ADAM23: variants seen among roughly 807,000 people sequenced by gnomAD.
The protein encoded by ADAM23 is disintegrin and metalloproteinase domain-containing protein 23.
In ADAM23, 33 loss-of-function variants were observed where a neutral mutation model predicts 120.1. The observed-to-expected ratio is 0.27, with a 90% CI of 0.21 to 0.37. ADAM23 has a LOEUF of 0.37. ADAM23 is among the 10% of genes least tolerant of loss of function. The pLI, the probability that ADAM23 is intolerant of heterozygous loss-of-function variation, is 1.00. For synonymous variants in ADAM23, 367 were observed against 375.2 expected, an observed-to-expected ratio of 0.98 and a Z score of 0.25; for missense variants, 862 against 1,058.2, an observed-to-expected ratio of 0.81 and a Z score of 2.57.
rs1699045655 is a variant in ADAM23 at position 206,620,963 on chromosome 2, T to C, written c.*3336T>C. ...TTATAGTCATTGTTGCTTCCATTGT[T>C]AGTTTCCATTTTCAAGTGCTTTGTA... is the stretch of plus-strand genomic sequence containing the variant. On this transcript the variant is annotated 3_prime_UTR_variant, in exon 26 of 26. Coordinates refer to ENST00000264377, the MANE Select transcript of ADAM23 (RefSeq NM_003812.4). The C allele has an allele frequency of 6.6e-6, 1 of 152,220 alleles. No homozygotes were observed. Among genetic ancestry groups the C allele is most frequent in the South Asian group, 2.1e-4 (1 of 4,832 alleles). 9.4% of individuals were successfully genotyped at this position (152,220 alleles called of 1,614,324 possible).
chr2:206,609,228 C>T (rs1274802323), intron 24 of ADAM23, among the ~76,000 whole-genome samples: 3 of 152,188 alleles, frequency 2.0e-5, no homozygotes, highest in Admixed American at 1.3e-4. Context: ...AAGCTATTCT[C>T]AGTTGAATCT....
Position 206,573,169 on chromosome 2 carries a change from G to C in ADAM23, c.1711G>C (p.Glu571Gln). The change falls in exon 18 of 26, where the codon GAA (glutamate) becomes CAA (glutamine). Residue 571 changes from glutamate (E) to glutamine (Q), a missense_variant. By Grantham distance (29) the Glu-to-Gln change is conservative. Around this residue, in one of 4 missense-constraint regions of ADAM23, gnomAD observed 617 missense variants for 813.5 expected, o/e 0.76. Coordinates refer to ENST00000264377, the MANE Select transcript of ADAM23 (RefSeq NM_003812.4). The part of the protein sequence containing the change: ...RDAVNECDIT[E>Q]YCTGDSGQCP... ...TGCTGTGAACGAGTGTGATATTACT[G>C]AATATTGTACTGGAGACTCTGGTCA... 1 of 1,613,968 alleles carries C rather than the reference G, an allele frequency of 6.2e-7. No homozygotes were observed. Among genetic ancestry groups the C allele is most frequent in the African/African-American group, 1.3e-5 (1 of 75,042 alleles).
chr2:206,496,172 C>G (rs1288489329), intron 3 of ADAM23, among the ~76,000 whole-genome samples: 1 of 152,150 alleles, frequency 6.6e-6, no homozygotes, highest in African/African-American at 2.4e-5. Flanking sequence ...CTACAGAACT[C>G]TACACCCCAA....
chr2:206,459,253 G>A (rs1695363629), intron 2 of ADAM23, among the ~76,000 whole-genome samples: 1 of 152,154 alleles, frequency 6.6e-6, no homozygotes, highest in African/African-American at 2.4e-5. Context: ...CTGAGATGAT[G>A]CCGTCTTATT....
At chr2:206,549,946 T>A (rs1697478943) in intron 8 of ADAM23, 149 bp from the exon 9 acceptor site, 1 of 435,654 alleles carries the variant, frequency 2.3e-6, no homozygotes, top group Admixed American at 4.3e-5. Context: ...TTTTTAAAAT[T>A]TGCCTGACCA....
At chr2:206,617,214 C>T (rs1698950181) in intron 25 of ADAM23, among the ~76,000 whole-genome samples, 1 of 152,064 alleles carries the variant, frequency 6.6e-6, no homozygotes, top group African/African-American at 2.4e-5. Flanking sequence ...TCCCAATAGG[C>T]TCCTTCATGG....
chr2:206,605,819 G>T, intron 24 of ADAM23: 1 of 701,214 alleles, frequency 1.4e-6, no homozygotes, highest in Non-Finnish European at 2.6e-6. Context: ...GCTAATAGGG[G>T]CCGTGGCCGG....
intron 2 of ADAM23, among the ~76,000 whole-genome samples, chr2:206,454,203 A>G (rs1463429477): frequency 6.6e-6 from 1 of 152,196 alleles, no homozygotes; most frequent in Non-Finnish European, 1.5e-5. Context: ...TACTGGAAGC[A>G]TGGCTAGGAG....
At chr2:206,590,311 T>C (rs888697470) in intron 21 of ADAM23, among the ~76,000 whole-genome samples, 1 of 152,194 alleles carries the variant, frequency 6.6e-6, no homozygotes, top group Non-Finnish European at 1.5e-5. Flanking sequence ...TTGGCCAGGC[T>C]GGTATTGAAC....
rs116811277 is a variant in ADAM23 at position 206,503,272 on chromosome 2, G to A, written c.509+21964G>A. ...TGAACTAAATGACTTTTTTTCCCTA[G>A]GCATAGTTACTCTCTGTATGTTGGG... On this transcript the variant is annotated intron_variant, in intron 3 of 25. Coordinates refer to ENST00000264377, the MANE Select transcript of ADAM23 (RefSeq NM_003812.4). 1.0e-2 allele frequency among the ~76,000 whole-genome samples: 1,518 copies of A among 152,060 alleles called. 14 individuals are homozygous for A. The highest frequency in any genetic ancestry group is 0.015 in the Non-Finnish European group (1,053 of 67,982).
At chr2:206,502,914 C>T (rs1696419270) in intron 3 of ADAM23, among the ~76,000 whole-genome samples, 1 of 152,168 alleles carries the variant, frequency 6.6e-6, no homozygotes, top group South Asian at 2.1e-4. Context: ...GTGTCTCTAA[C>T]TGCTTCATCC....
intron 3 of ADAM23, among the ~76,000 whole-genome samples, chr2:206,518,218 G>A (rs1696772625): frequency 6.6e-6 from 1 of 152,158 alleles, no homozygotes; most frequent in African/African-American, 2.4e-5. Flanking sequence ...GAAGGAATGT[G>A]TGTGCTCATA....
intron 9 of ADAM23, among the ~76,000 whole-genome samples, chr2:206,550,442 A>G (rs1574528023): frequency 6.6e-6 from 1 of 151,912 alleles, no homozygotes. Flanking sequence ...TCATCTATGT[A>G]TTTGGTCACT....
chr2:206,517,767 C>A (rs572133223), intron 3 of ADAM23, among the ~76,000 whole-genome samples: 6 of 152,148 alleles, frequency 3.9e-5, no homozygotes, highest in Non-Finnish European at 7.3e-5. Context: ...TTTCTCATAT[C>A]TTCTCTAGTC....
chr2:206,544,746 G>C (rs1168889996), intron 6 of ADAM23, among the ~76,000 whole-genome samples: 2 of 151,942 alleles, frequency 1.3e-5, no homozygotes, highest in Non-Finnish European at 2.9e-5. Flanking sequence ...CCAAGTAGCT[G>C]GGACTACAGG....
rs1310354186 is a variant in ADAM23 at position 206,618,893 on chromosome 2, T to A, written c.*1266T>A. ...AAGCTCATGATTTTGGTTTTCGGTT[T>A]TGACAATTTTCTTTCCCTGTCTTTA... On this transcript the variant is annotated 3_prime_UTR_variant, in exon 26 of 26. Coordinates refer to ENST00000264377, the MANE Select transcript of ADAM23 (RefSeq NM_003812.4). The A allele has an allele frequency of 6.6e-6, 1 of 152,228 alleles. No individual in the cohort carries two copies. Among genetic ancestry groups the A allele is most frequent in the Non-Finnish European group, 1.5e-5 (1 of 68,042 alleles). The allele number at this position is 152,228 out of a possible 1,614,324, so 9.4% of individuals were successfully genotyped here.
intron 3 of ADAM23, among the ~76,000 whole-genome samples, chr2:206,487,677 C>G (rs1696042695): frequency 6.6e-6 from 1 of 152,222 alleles, no homozygotes; most frequent in South Asian, 2.1e-4. Context: ...AAGTGAAATC[C>G]CTGTGCTTCT....
Position 206,609,898 on chromosome 2 carries a change from C to G in ADAM23, c.2360-12C>G. ...GTTCATATGACTCTCTTCCCATGAT[C>G]CTTTGTCACAGGTCCTAGTGCCACC... On this transcript the variant is annotated splice_polypyrimidine_tract_variant and intron_variant, in intron 24 of 25. Transcript: ENST00000264377. 6.3e-7 allele frequency: 1 copy of G among 1,593,742 alleles called. No individual in the cohort carries two copies.
At chr2:206,530,817 G>T (rs189925696) in intron 3 of ADAM23, 68 bp from the exon 4 acceptor site, 1 of 1,413,268 alleles carries the variant, frequency 7.1e-7, no homozygotes, top group South Asian at 1.2e-5. Context: ...TTCATTTATT[G>T]AGCCGATTGT....
Sources: gnomAD v4.1 joint callset for allele counts (sites outside exome capture counted in the v4.1 genomes callset) on GRCh38, gnomAD v4.1.1 for gene constraint, gnomAD v4.1.1 regional missense constraint, MANE v1.5 for transcripts, NCBI Gene and HGNC (gene_info 2026-07-23, HGNC 2026-07-21) for gene names.